The following RNF228 variants were observed in gnomAD, a reference collection of about 807,000 sequenced individuals.
RNF228 encodes the protein ring finger protein 228.
chr2:222,314,173 T>C, the RNF228 span, among the ~76,000 whole-genome samples: 2 of 152,240 alleles, frequency 1.3e-5, no homozygotes, highest in African/African-American at 2.4e-5. Context: ...AAGTATATTT[T>C]ATAATCAGAA....
the RNF228 span, among the ~76,000 whole-genome samples, chr2:222,316,037 A>C: frequency 6.6e-6 from 1 of 152,028 alleles, no homozygotes; most frequent in Non-Finnish European, 1.5e-5. Flanking sequence ...TCCAAGATGA[A>C]GAGTTGCCAT....
the RNF228 span, chr2:222,319,192 C>A: frequency 3.1e-6 from 1 of 317,628 alleles, no homozygotes; most frequent in Non-Finnish European, 5.8e-6. This position sits in a 1 kb window ranked among gnomAD's most constrained non-coding sequence, Gnocchi z 7.6. Context: ...ATGCTGGCCA[C>A]CGACAGGCAG....
the RNF228 span, chr2:222,319,213 C>CGGGCGA: frequency 5.9e-5 from 19 of 320,232 alleles, no homozygotes; most frequent in East Asian, 7.0e-4. This position sits in a 1 kb window ranked among gnomAD's most constrained non-coding sequence, Gnocchi z 7.6. Context: ...ATGGGCCCCA[C>CGGGCGA]GGGCGAGGGC....
chr2:222,319,792 G>A, the RNF228 span, among the ~76,000 whole-genome samples: 1 of 148,912 alleles, frequency 6.7e-6, no homozygotes, highest in Non-Finnish European at 1.5e-5. The surrounding 1 kb of genome is among the most constrained non-coding windows in gnomAD (Gnocchi z 7.6). Context: ...GCGGCGGCGC[G>A]GAGCTGCAGC....
chr2:222,316,158 G>C, the RNF228 span, among the ~76,000 whole-genome samples: 3 of 152,310 alleles, frequency 2.0e-5, no homozygotes, highest in South Asian at 4.1e-4. Flanking sequence ...TGGTGTATAG[G>C]TGTTTCCACG....
the RNF228 span, chr2:222,317,453 T>C: frequency 5.3e-5 from 8 of 152,158 alleles, no homozygotes; most frequent in African/African-American, 1.9e-4. Context: ...CGAGGAATAA[T>C]AGCATACCTT....
chr2:222,315,261 C>A, the RNF228 span, among the ~76,000 whole-genome samples: 1 of 152,068 alleles, frequency 6.6e-6, no homozygotes, highest in Non-Finnish European at 1.5e-5. Flanking sequence ...CACTATGTGC[C>A]CAGAACTGGT....
At chr2:222,315,207 A>T in the RNF228 span, among the ~76,000 whole-genome samples, 1 of 152,138 alleles carries the variant, frequency 6.6e-6, no homozygotes, top group Non-Finnish European at 1.5e-5. Context: ...GATTAATTCC[A>T]GAGTGTCCCT....
At chr2:222,318,848 G>A in the RNF228 span, 1 of 150,328 alleles carries the variant, frequency 6.7e-6, no homozygotes, top group Non-Finnish European at 1.5e-5. Context: ...GGCGACAGAA[G>A]CCCGAGGGAC....
the RNF228 span, among the ~76,000 whole-genome samples, chr2:222,315,018 G>C: frequency 2.0e-5 from 3 of 151,806 alleles, no homozygotes; most frequent in Non-Finnish European, 2.9e-5. Context: ...ATATAAAACA[G>C]TAAGAGTTCC....
chr2:222,315,342 G>A, the RNF228 span, among the ~76,000 whole-genome samples: 2 of 152,226 alleles, frequency 1.3e-5, no homozygotes, highest in Non-Finnish European at 2.9e-5. Context: ...TTCTGCAGGA[G>A]AGTGATGAAA....
the RNF228 span, among the ~76,000 whole-genome samples, chr2:222,316,110 A>G: frequency 6.6e-6 from 1 of 152,224 alleles, no homozygotes; most frequent in South Asian, 2.1e-4. Flanking sequence ...TTGCTATTTC[A>G]ACAATTACTT....
At chr2:222,319,471 G>A in the RNF228 span, 1 of 151,798 alleles carries the variant, frequency 6.6e-6, no homozygotes, top group Non-Finnish European at 1.4e-5. The surrounding 1 kb of genome is among the most constrained non-coding windows in gnomAD (Gnocchi z 7.6). Context: ...TCGGCAGGCG[G>A]CGGCGGCGGC....
the RNF228 span, among the ~76,000 whole-genome samples, chr2:222,315,959 C>T: frequency 6.6e-6 from 1 of 152,070 alleles, no homozygotes; most frequent in Non-Finnish European, 1.5e-5. Context: ...GTACAGAGAC[C>T]AGACCAGGCC....
chr2:222,314,588 A>G, the RNF228 span, among the ~76,000 whole-genome samples: 1 of 152,258 alleles, frequency 6.6e-6, no homozygotes, highest in Non-Finnish European at 1.5e-5. Flanking sequence ...TCTTTGTATA[A>G]TAGCAGAAAT....
chr2:222,318,783 C>CT, the RNF228 span: 2 of 150,616 alleles, frequency 1.3e-5, no homozygotes, highest in African/African-American at 4.9e-5. Context: ...CCCCCCCCCC[C>CT]ACCAACATCC....
At chr2:222,316,801 A>C in the RNF228 span, among the ~76,000 whole-genome samples, 3 of 152,236 alleles carry the variant, frequency 2.0e-5, no homozygotes, top group Non-Finnish European at 2.9e-5. Flanking sequence ...GAATCTTAGT[A>C]ATGGAGGTAA....
At chr2:222,314,829 T>C in the RNF228 span, among the ~76,000 whole-genome samples, 1 of 152,242 alleles carries the variant, frequency 6.6e-6, no homozygotes, top group Admixed American at 6.5e-5. Context: ...ATAGATCTTT[T>C]TCTCATGTTG....
At chr2:222,316,751 T>C in the RNF228 span, among the ~76,000 whole-genome samples, 6 of 152,242 alleles carry the variant, frequency 3.9e-5, no homozygotes, top group African/African-American at 1.4e-4. Context: ...TATACATGTG[T>C]AGCTGCACTT....
Sources: gnomAD v4.1 joint callset for allele counts (sites outside exome capture counted in the v4.1 genomes callset) on GRCh38, gnomAD v4.1.1 for gene constraint, Gnocchi (gnomAD v3.1) non-coding constraint, MANE v1.5 for transcripts, NCBI Gene and HGNC (gene_info 2026-07-23, HGNC 2026-07-21) for gene names.